The following PTPN9 variants were observed in gnomAD, a reference collection of about 807,000 sequenced individuals.
PTPN9 encodes the protein protein tyrosine phosphatase non-receptor type 9.
In PTPN9, 26 loss-of-function variants were observed where a neutral mutation model predicts 69.8. The ratio of observed to expected loss-of-function variants is 0.37; its 90% CI spans 0.27 to 0.52. PTPN9 has a LOEUF of 0.52. PTPN9 is among the 20% of genes least tolerant of loss of function. The probability of loss-of-function intolerance (pLI) is 0.91; values close to 1 mark genes in which losing one functional copy is unlikely to be tolerated. For missense variants in PTPN9, 549 were observed against 740.3 expected, an observed-to-expected ratio of 0.74 and a Z score of 3.00; for synonymous variants, 274 against 272.5, an observed-to-expected ratio of 1.01 and a Z score of -0.05.
intron 1 of PTPN9, among the ~76,000 whole-genome samples, chr15:75,537,366 A>C (rs1242409582): frequency 4.1e-5 from 6 of 147,218 alleles, no homozygotes; most frequent in South Asian, 2.2e-4. Context: ...AAAAAAAAAA[A>C]AAAAAACTAG....
intron 2 of PTPN9, 86 bp downstream of exon 2, chr15:75,527,032 A>T (rs1000371583): frequency 6.7e-7 from 1 of 1,495,078 alleles, no homozygotes; most frequent in African/African-American, 1.4e-5. Context: ...ACACTTAGAG[A>T]ACCAATGTGT....
intron 5 of PTPN9, among the ~76,000 whole-genome samples, chr15:75,514,672 T>A (rs902480767): frequency 1.3e-5 from 2 of 152,138 alleles, no homozygotes; most frequent in South Asian, 4.1e-4. Flanking sequence ...ACACATTATA[T>A]GTGTGTGTGT....
chr15:75,482,496 C>A (rs1194186767), intron 8 of PTPN9, among the ~76,000 whole-genome samples: 1 of 124,236 alleles, frequency 8.0e-6, no homozygotes, highest in South Asian at 2.9e-4. Context: ...ACCCGGGAGG[C>A]GGAGCTTGCA....
intron 1 of PTPN9, among the ~76,000 whole-genome samples, chr15:75,557,679 G>C (rs1401336857): frequency 6.6e-6 from 1 of 152,094 alleles, no homozygotes; most frequent in East Asian, 1.9e-4. Context: ...AACCATCCTG[G>C]TAGGTAGGGC....
intron 4 of PTPN9, 93 bp from the exon 5 acceptor site, chr15:75,517,457 G>T: frequency 1.1e-6 from 1 of 905,922 alleles, no homozygotes; most frequent in Non-Finnish European, 1.7e-6. Context: ...CTGAGAGTAT[G>T]AGACACATCT....
At chr15:75,474,829 CT>C (rs966495380) in intron 9 of PTPN9, among the ~76,000 whole-genome samples, 1 of 152,132 alleles carries the variant, frequency 6.6e-6, no homozygotes, top group South Asian at 2.1e-4. Context: ...GCCTTTTTCC[CT>C]TCCAATCTAC....
At chr15:75,517,667 A>G (rs553671280) in intron 4 of PTPN9, among the ~76,000 whole-genome samples, 51 of 152,332 alleles carry the variant, frequency 3.3e-4, no homozygotes, top group African/African-American at 1.2e-3. Context: ...CCCAAATCAT[A>G]TAACATATTC....
intron 8 of PTPN9, 43 bp from the exon 9 acceptor site, chr15:75,479,957 A>AC (rs1567467887): frequency 7.4e-7 from 1 of 1,353,328 alleles, no homozygotes; most frequent in Admixed American, 2.1e-5. Context: ...CACAGAATAC[A>AC]CCATTTGGGT....
chr15:75,551,091 A>G (rs1415926224), intron 1 of PTPN9, among the ~76,000 whole-genome samples: 2 of 152,156 alleles, frequency 1.3e-5, no homozygotes, highest in Non-Finnish European at 2.9e-5. Context: ...CCATTTGTAG[A>G]TATTAAGACT....
intron 8 of PTPN9, chr15:75,480,741 G>T: frequency 1.5e-6 from 2 of 1,294,274 alleles, no homozygotes; most frequent in Non-Finnish European, 2.0e-6. Flanking sequence ...GGGCAGCGGA[G>T]CTGTCTCAGT....
intron 5 of PTPN9, among the ~76,000 whole-genome samples, chr15:75,512,280 G>A (rs2074848938): frequency 6.6e-6 from 1 of 151,150 alleles, no homozygotes; most frequent in Non-Finnish European, 1.5e-5. Context: ...ATAGCTCACT[G>A]CAGCCTCATA....
rs372296237 is a variant in PTPN9 at position 75,478,267 on chromosome 15, G to A, written c.1129+1581C>T. 7.2e-5 allele frequency among the ~76,000 whole-genome samples: 11 copies of A among 151,896 alleles called. No homozygotes were observed. In the East Asian group the frequency reaches 7.7e-4, roughly 11 times the overall value. On this transcript the variant is annotated intron_variant, in intron 9 of 12. Coordinates refer to ENST00000618819, the MANE Select transcript of PTPN9 (RefSeq NM_002833.4). ...ATTACAGGCATGTGCCACCACGCCC[G>A]GCTAATTTTGTATGTTTAGTAGAAA...
intron 1 of PTPN9, among the ~76,000 whole-genome samples, chr15:75,538,218 T>C (rs1435231519): frequency 5.3e-5 from 8 of 152,102 alleles, no homozygotes; most frequent in Non-Finnish European, 1.0e-4. Context: ...AAAAAAAGTA[T>C]ATAACCTTCT....
intron 1 of PTPN9, among the ~76,000 whole-genome samples, chr15:75,573,895 A>G (rs1295826835): frequency 6.6e-6 from 1 of 152,192 alleles, no homozygotes. Context: ...ACTGAAATCA[A>G]GGAAGGCCTT....
intron 1 of PTPN9, among the ~76,000 whole-genome samples, chr15:75,552,275 C>T (rs1438583461): frequency 4.6e-5 from 7 of 150,804 alleles, no homozygotes; most frequent in Admixed American, 2.6e-4. Flanking sequence ...GGCATGGTGG[C>T]GCATGCCTGT....
rs571915492 is a variant in PTPN9 at position 75,493,991 on chromosome 15, A to G, written c.969-3690T>C. 1.0e-3 allele frequency among the ~76,000 whole-genome samples: 154 copies of G among 152,098 alleles called. 1 individual carries two copies. Among genetic ancestry groups the G allele is most frequent in the African/African-American group, 2.8e-3 (116 of 41,510 alleles). Reference sequence around the variant, plus strand: ...TACTTGTTTTTGTAAATAATGTTTTATTGGAACATAGTCAAGCTCATTTAT... The same window carrying G: ...TACTTGTTTTTGTAAATAATGTTTTGTTGGAACATAGTCAAGCTCATTTAT... On this transcript the variant is annotated intron_variant, in intron 7 of 12. Transcript: ENST00000618819.
intron 1 of PTPN9, among the ~76,000 whole-genome samples, chr15:75,543,277 T>C (rs950634146): frequency 4.6e-5 from 7 of 152,000 alleles, no homozygotes; most frequent in Admixed American, 4.6e-4. Flanking sequence ...GAAATCACAG[T>C]AGTAGTAACC....
At chr15:75,551,231 G>T (rs905805683) in intron 1 of PTPN9, among the ~76,000 whole-genome samples, 6 of 151,756 alleles carry the variant, frequency 4.0e-5, no homozygotes, top group African/African-American at 1.5e-4. Flanking sequence ...CAACCACCCT[G>T]CCGAGGGCTG....
chr15:75,503,919 G>C (rs1371943568), intron 7 of PTPN9, among the ~76,000 whole-genome samples: 1 of 94,484 alleles, frequency 1.1e-5, no homozygotes, highest in Non-Finnish European at 2.1e-5. Context: ...TCAGCCCCCC[G>C]CCCGGCCAGC....
Sources: gnomAD v4.1 joint callset for allele counts (sites outside exome capture counted in the v4.1 genomes callset) on GRCh38, gnomAD v4.1.1 for gene constraint, MANE v1.5 for transcripts, NCBI Gene and HGNC (gene_info 2026-07-23, HGNC 2026-07-21) for gene names.